Variants in OR9Q1 observed in about 807,000 individuals in gnomAD.
OR9Q1 encodes the protein olfactory receptor family 9 subfamily Q member 1.
For synonymous variants in OR9Q1, 153 were observed against 148.6 expected (o/e 1.03, Z -0.22); for missense variants, 374 against 378.8 (o/e 0.99, Z 0.11).
intron 1 of OR9Q1, among the ~76,000 whole-genome samples, chr11:58,032,751 A>C (rs1853055306): frequency 6.6e-6 from 1 of 152,248 alleles, no homozygotes; most frequent in Non-Finnish European, 1.5e-5. Context: ...AATGAAAACA[A>C]AAATTAACAA....
At chr11:58,090,583 C>G (rs957886017) in intron 2 of OR9Q1, among the ~76,000 whole-genome samples, 1 of 152,124 alleles carries the variant, frequency 6.6e-6, no homozygotes, top group African/African-American at 2.4e-5. Flanking sequence ...CAATATTCAC[C>G]AGGTACATTG....
intron 2 of OR9Q1, among the ~76,000 whole-genome samples, chr11:58,134,645 T>G (rs908512240): frequency 6.6e-6 from 1 of 152,180 alleles, no homozygotes; most frequent in Non-Finnish European, 1.5e-5. Flanking sequence ...TCTAGAATTT[T>G]ATTACAGGAT....
intron 2 of OR9Q1, among the ~76,000 whole-genome samples, chr11:58,138,601 A>T (rs2119860673): frequency 6.6e-6 from 1 of 152,278 alleles, no homozygotes; most frequent in South Asian, 2.1e-4. Flanking sequence ...TTCTCATAGC[A>T]CAGCTGTGCT....
intron 1 of OR9Q1, among the ~76,000 whole-genome samples, chr11:58,045,968 G>C (rs1853212440): frequency 6.6e-6 from 1 of 152,222 alleles, no homozygotes; most frequent in South Asian, 2.1e-4. Flanking sequence ...CCCTCAAGTT[G>C]TGACAACCAA....
At chr11:58,034,765 TCCTTCTTCCTTCCCTCCCTCCTTTCTC>T (rs200058072) in intron 1 of OR9Q1, among the ~76,000 whole-genome samples, 10 of 130,846 alleles carry the variant, frequency 7.6e-5, no homozygotes, top group Non-Finnish European at 1.2e-4. Flanking sequence ...CTTCCTTCCT[TCCTTCTTCCTTCCCTCCCTCCTTTCTC>T]CCTTCCTTCC....
At chr11:58,112,156 G>A (rs926616246) in intron 2 of OR9Q1, among the ~76,000 whole-genome samples, 3 of 152,052 alleles carry the variant, frequency 2.0e-5, no homozygotes, top group Admixed American at 1.3e-4. Context: ...AGCCAGGTGT[G>A]GTGGCCTGTG....
chr11:58,158,421 CT>C (rs10600970), intron 2 of OR9Q1, among the ~76,000 whole-genome samples: 61,453 of 133,438 alleles, frequency 0.46, 14,263 homozygotes, highest in Non-Finnish European at 0.51. Flanking sequence ...CCTAGGTCTG[CT>C]TTTTTTTTTT....
At chr11:58,037,713 TTTTTTTTTTTTTTTTTTTTTTTTG>T (rs1853121403) in intron 1 of OR9Q1, among the ~76,000 whole-genome samples, 1 of 26,404 alleles carries the variant, frequency 3.8e-5, no homozygotes, top group Admixed American at 3.8e-4. Context: ...TTTTTTTTTT[TTTTTTTTTTTTTTTTTTTTTTTTG>T]AGACGGAGTC....
At chr11:58,107,064 A>C (rs1853847381) in intron 2 of OR9Q1, among the ~76,000 whole-genome samples, 1 of 152,188 alleles carries the variant, frequency 6.6e-6, no homozygotes, top group African/African-American at 2.4e-5. Context: ...GGATAAAATG[A>C]ATATTTTAGT....
intron 2 of OR9Q1, among the ~76,000 whole-genome samples, chr11:58,178,580 G>A (rs906725271): frequency 1.3e-5 from 2 of 152,042 alleles, no homozygotes; most frequent in African/African-American, 4.8e-5. Flanking sequence ...TTGTGGTCAC[G>A]GAGAAAAAGG....
chr11:58,110,752 G>A (rs758054178), intron 2 of OR9Q1, among the ~76,000 whole-genome samples: 3 of 152,128 alleles, frequency 2.0e-5, no homozygotes, highest in Non-Finnish European at 2.9e-5. Context: ...TCATGGAAAG[G>A]GTTCATAGTG....
At chr11:58,136,701 C>T (rs1854192454) in intron 2 of OR9Q1, among the ~76,000 whole-genome samples, 2 of 152,174 alleles carry the variant, frequency 1.3e-5, no homozygotes, top group African/African-American at 4.8e-5. Flanking sequence ...GACCATTGGG[C>T]AACCTTAGTC....
At chr11:58,056,800 T>A (rs1034254587) in intron 2 of OR9Q1, among the ~76,000 whole-genome samples, 3 of 152,078 alleles carry the variant, frequency 2.0e-5, no homozygotes, top group Non-Finnish European at 4.4e-5. Context: ...AAATAGAGCA[T>A]CTCTGGTTGG....
chr11:58,130,308 AG>A (rs755855021), intron 2 of OR9Q1, among the ~76,000 whole-genome samples: 1 of 152,244 alleles, frequency 6.6e-6, no homozygotes, highest in Non-Finnish European at 1.5e-5. Context: ...CATAGTAGGC[AG>A]GAAAAATTAC....
chr11:58,035,851 A>T (rs1590546991), intron 1 of OR9Q1, among the ~76,000 whole-genome samples: 1 of 40,262 alleles, frequency 2.5e-5, no homozygotes, highest in Non-Finnish European at 6.6e-5. Context: ...ACCTTTCCAG[A>T]TCAAATATAA....
chr11:58,057,298 T>C (rs1434172656), intron 2 of OR9Q1, among the ~76,000 whole-genome samples: 2 of 152,122 alleles, frequency 1.3e-5, no homozygotes, highest in African/African-American at 4.8e-5. Context: ...AAGGTCTTTT[T>C]GATTAAAGTA....
At chr11:58,053,365 A>G (rs1375165295) in intron 1 of OR9Q1, among the ~76,000 whole-genome samples, 3 of 145,178 alleles carry the variant, frequency 2.1e-5, no homozygotes, top group South Asian at 2.2e-4. Flanking sequence ...ACCAAACACC[A>G]CATGTTCTCA....
rs745637279 is a variant in OR9Q1, at chr11:58,151,851, C to G, written c.-14-27580C>G. ...TGCCTTGGTTCTGAAGTTACTCAGT[C>G]TCTCCAGTTGCTCTGGGTACTTAAA... On this transcript the variant is annotated intron_variant, in intron 2 of 2. Transcript: ENST00000335397. 7.2e-5 allele frequency among the ~76,000 whole-genome samples: 11 copies of G among 152,212 alleles called. 1 individual carries two copies. Among genetic ancestry groups the G allele is most frequent in the Non-Finnish European group, 8.8e-5 (6 of 68,006 alleles).
At chr11:58,034,985 A>G (rs1266068224) in intron 1 of OR9Q1, among the ~76,000 whole-genome samples, 1 of 151,590 alleles carries the variant, frequency 6.6e-6, no homozygotes, top group East Asian at 1.9e-4. Context: ...ACAGCATCAA[A>G]CCTGGCTAAT....
Sources: gnomAD v4.1 joint callset for allele counts (sites outside exome capture counted in the v4.1 genomes callset) on GRCh38, gnomAD v4.1.1 for gene constraint, MANE v1.5 for transcripts, NCBI Gene and HGNC (gene_info 2026-07-23, HGNC 2026-07-21) for gene names.